CAMKMT: variants seen among roughly 807,000 people sequenced by gnomAD.
CAMKMT encodes the protein calmodulin-lysine N-methyltransferase.
A neutral mutation model predicts 48.0 loss-of-function variants in CAMKMT; 53 were observed. The observed-to-expected ratio is 1.10, with a 90% CI of 0.89 to 1.39. The LOEUF (loss-of-function observed/expected upper bound fraction) is 1.39, where lower values mean the gene tolerates loss of function less well. CAMKMT is among the 40% of genes most tolerant of loss of function. The pLI is 0.00. For synonymous variants in CAMKMT, 165 were observed against 152.3 expected, an observed-to-expected ratio of 1.08 and a Z score of -0.61; for missense variants, 428 against 402.7, an observed-to-expected ratio of 1.06 and a Z score of -0.54.
chr2:44,708,211 A>ATTTTTTT (rs59281575), intron 6 of CAMKMT, among the ~76,000 whole-genome samples: 9,283 of 68,048 alleles, frequency 0.14, 1,635 homozygotes, highest in South Asian at 0.24. Flanking sequence ...TTTGCTTTGG[A>ATTTTTTT]TTTTTTTTTT....
intron 3 of CAMKMT, among the ~76,000 whole-genome samples, chr2:44,454,689 C>T (rs748894705): frequency 5.3e-5 from 8 of 152,074 alleles, no homozygotes; most frequent in Non-Finnish European, 7.4e-5. Context: ...ATCTCTTGGA[C>T]GGCATAATGG....
intron 3 of CAMKMT, among the ~76,000 whole-genome samples, chr2:44,621,135 A>G (rs552862859): frequency 0.028 from 4,308 of 151,772 alleles, 177 homozygotes; most frequent in African/African-American, 0.088. Flanking sequence ...GGGCGTGGTG[A>G]TGGGCGCTTG....
At chr2:44,760,610 CAA>C (rs1162341532) in intron 9 of CAMKMT, among the ~76,000 whole-genome samples, 2,184 of 60,294 alleles carry the variant, frequency 0.036, 23 homozygotes, top group African/African-American at 0.067. Flanking sequence ...GATTCCATCT[CAA>C]AAAAAAAAAA....
At chr2:44,684,292 G>A (rs1480035964) in intron 3 of CAMKMT, among the ~76,000 whole-genome samples, 3 of 152,130 alleles carry the variant, frequency 2.0e-5, no homozygotes, top group African/African-American at 7.2e-5. Flanking sequence ...TGGTGTGAAA[G>A]GGCTGATAAC....
At chr2:44,593,523 C>A (rs1212673467) in intron 3 of CAMKMT, among the ~76,000 whole-genome samples, 1 of 152,192 alleles carries the variant, frequency 6.6e-6, no homozygotes, top group African/African-American at 2.4e-5. Flanking sequence ...TGTCCCAATG[C>A]CACAGCCCGG....
intron 3 of CAMKMT, among the ~76,000 whole-genome samples, chr2:44,554,107 A>G (rs750571435): frequency 1.3e-5 from 2 of 152,206 alleles, no homozygotes; most frequent in Non-Finnish European, 2.9e-5. Flanking sequence ...TAACTCATTC[A>G]TTCATTCAGT....
intron 3 of CAMKMT, among the ~76,000 whole-genome samples, chr2:44,542,437 A>G (rs1667165889): frequency 6.6e-6 from 1 of 151,992 alleles, no homozygotes; most frequent in South Asian, 2.1e-4. Context: ...AGATGCTGAC[A>G]GCAAAGACCT....
intron 6 of CAMKMT, 23 bp downstream of exon 6, chr2:44,707,485 C>G: frequency 6.2e-7 from 1 of 1,603,698 alleles, no homozygotes. Flanking sequence ...AGATAGAAAA[C>G]GGGTTTGTTG....
intron 3 of CAMKMT, among the ~76,000 whole-genome samples, chr2:44,700,350 A>C (rs767535696): frequency 1.3e-5 from 2 of 152,184 alleles, no homozygotes; most frequent in Non-Finnish European, 2.9e-5. Context: ...AGTTCCTTCA[A>C]GAACTTTTCT....
At chr2:44,412,167 A>G (rs542764049) in intron 3 of CAMKMT, among the ~76,000 whole-genome samples, 4 of 152,126 alleles carry the variant, frequency 2.6e-5, no homozygotes, top group Non-Finnish European at 4.4e-5. Context: ...ATTGACTCCA[A>G]TAGCTAGTGA....
intron 3 of CAMKMT, chr2:44,631,656 C>T (rs1304127677): frequency 7.2e-6 from 3 of 418,382 alleles, no homozygotes; most frequent in Admixed American, 4.2e-5. Context: ...TTGAGCCCAT[C>T]TGACAAGTTT....
At chr2:44,393,741 A>C (rs954560887) in intron 3 of CAMKMT, among the ~76,000 whole-genome samples, 2 of 152,176 alleles carry the variant, frequency 1.3e-5, no homozygotes, top group African/African-American at 4.8e-5. Flanking sequence ...TGTCGCTCAG[A>C]TACCTTGGGT....
At chr2:44,693,190 C>A (rs1676758020) in intron 3 of CAMKMT, among the ~76,000 whole-genome samples, 1 of 152,170 alleles carries the variant, frequency 6.6e-6, no homozygotes, top group African/African-American at 2.4e-5. Flanking sequence ...TCCTCTTGCC[C>A]CGTTTCATCT....
intron 3 of CAMKMT, among the ~76,000 whole-genome samples, chr2:44,686,067 C>T (rs1676315848): frequency 6.6e-6 from 1 of 152,142 alleles, no homozygotes. Flanking sequence ...ACACCTTCAT[C>T]AGCTCTCATC....
At chr2:44,558,955 C>CTG (rs4039615) in intron 3 of CAMKMT, among the ~76,000 whole-genome samples, 7,242 of 151,188 alleles carry the variant, frequency 0.048, 499 homozygotes, top group African/African-American at 0.16. Flanking sequence ...AAATGTGTCT[C>CTG]TGTGTGTGTG....
intron 3 of CAMKMT, among the ~76,000 whole-genome samples, chr2:44,584,657 G>T (rs963583265): frequency 6.6e-6 from 1 of 152,098 alleles, no homozygotes; most frequent in Non-Finnish European, 1.5e-5. Flanking sequence ...CATAAAGCAT[G>T]GTATTCAGTT....
chr2:44,384,025 C>G, intron 2 of CAMKMT, among the ~76,000 whole-genome samples: 1 of 152,144 alleles, frequency 6.6e-6, no homozygotes, highest in East Asian at 1.9e-4. Flanking sequence ...GGTAGTTCTA[C>G]TTTTAGTTCT....
intron 3 of CAMKMT, among the ~76,000 whole-genome samples, chr2:44,533,771 C>T (rs746424368): frequency 2.6e-4 from 40 of 152,094 alleles, no homozygotes; most frequent in Non-Finnish European, 3.5e-4. Flanking sequence ...CAAATGTTAC[C>T]GCTAAAGAAA....
At chr2:44,704,733 G>T (rs995176675) in intron 4 of CAMKMT, among the ~76,000 whole-genome samples, 3 of 150,966 alleles carry the variant, frequency 2.0e-5, no homozygotes, top group South Asian at 4.2e-4. Context: ...TTCTGCTGGG[G>T]AAGTCACTAC....
Sources: allele counts gnomAD v4.1 joint callset (sites outside exome capture counted in the v4.1 genomes callset), GRCh38; gene constraint gnomAD v4.1.1; transcripts MANE v1.5; gene names NCBI Gene and HGNC (gene_info 2026-07-23, HGNC 2026-07-21).